The following SPTA1 variants were observed in gnomAD, a reference collection of about 807,000 sequenced individuals.
SPTA1 encodes the protein spectrin alpha chain, erythrocytic 1.
Under a neutral mutation model 324.7 loss-of-function variants are expected in SPTA1, and 177 were observed. The observed-to-expected ratio is 0.55, with a 90% CI of 0.48 to 0.62. The LOEUF is 0.62. SPTA1 is among the 20% of genes least tolerant of loss of function. The pLI, the probability that SPTA1 is intolerant of heterozygous loss-of-function variation, is 0.00. For missense variants in SPTA1, 3,162 were observed against 2,883.6 expected (o/e 1.10, Z -2.21); for synonymous variants, 1,195 against 1,041.3 (o/e 1.15, Z -2.84).
At chr1:158,680,359 A>C (rs1654717173) in intron 5 of SPTA1, among the ~76,000 whole-genome samples, 1 of 152,130 alleles carries the variant, frequency 6.6e-6, no homozygotes, top group Admixed American at 6.6e-5. Context: ...CAAACACACA[A>C]AAACACACTC....
intron 16 of SPTA1, 109 bp from the exon 17 acceptor site, chr1:158,663,054 T>C (rs1263665685): frequency 4.8e-6 from 7 of 1,460,846 alleles, no homozygotes; most frequent in Non-Finnish European, 5.6e-6. Flanking sequence ...CCCATATGCA[T>C]TGTGTTCTGA....
chr1:158,615,349 G>C lies in SPTA1; in HGVS notation c.6655C>G (p.Leu2219Val), dbSNP rs770698813. ...AGAGCGTCTTCCAAGTTGTCCCCCA[G>C]GTCCACAATCTTGGTTAGTTGACGC... Reference protein sequence around the residue: ...MKRQLTKIVDLGDNLEDALIL... With the variant: ...MKRQLTKIVDVGDNLEDALIL... The change falls in exon 48 of 52, where the codon CTG becomes GTG. Residue 2219 changes from leucine (L) to valine (V), a missense_variant. Leu to Val is a conservative substitution (Grantham distance 32). Transcript: ENST00000643759. The C allele has an allele frequency of 1.9e-6, 3 of 1,613,890 alleles. No individual in the cohort carries two copies. The highest frequency in any genetic ancestry group is 1.7e-5 in the Admixed American group (1 of 59,988).
In SPTA1 at chr1:158,634,659, C is replaced by T. The variant is rs1190445301; in HGVS notation, c.5449G>A (p.Glu1817Lys). The change falls in exon 39 of 52, where the codon GAA becomes AAA. Residue 1817 changes from glutamate (E) to lysine (K), a missense_variant. Transcript: ENST00000643759. ...LAKARGLKLE[E>K]SLEYLQFMQN... ...ATGAATTGCAAGTATTCTAGGGATTCTTCCAACTTAAGTCCTCTATAACAA... is the reference window on the plus strand; with the variant it reads ...ATGAATTGCAAGTATTCTAGGGATTTTTCCAACTTAAGTCCTCTATAACAA... The T allele has an allele frequency of 6.2e-7, 1 of 1,613,990 alleles. No homozygotes were observed. The highest frequency in any genetic ancestry group is 8.5e-7 in the Non-Finnish European group (1 of 1,180,034).
In SPTA1 at chr1:158,643,734, T is replaced by G. The variant is rs543779321; in HGVS notation, c.4339-309A>C. Among the ~76,000 whole-genome samples the G allele has an allele frequency of 2.0e-5, 3 of 152,232 alleles. No individual in the cohort carries two copies. In the South Asian group the frequency reaches 6.2e-4, roughly 32 times the overall value. ...TTTAATCAATCCTAAAAGTCAGAGT[T>G]TAGAATGCTGGATTTAAAGTAAGAG... On this transcript the variant is annotated intron_variant, in intron 30 of 51. Transcript: ENST00000643759.
chr1:158,631,921 T>A (rs1243307383), intron 39 of SPTA1, among the ~76,000 whole-genome samples: 1 of 152,128 alleles, frequency 6.6e-6, no homozygotes, highest in Admixed American at 6.5e-5. Flanking sequence ...CTACCTATCG[T>A]CCAGCAATTC....
chr1:158,666,292 C>T (rs764117273), intron 16 of SPTA1, 24 bp downstream of exon 16: 2 of 1,612,328 alleles, frequency 1.2e-6, no homozygotes, highest in South Asian at 2.2e-5. Flanking sequence ...TTGCTTATGG[C>T]TGGCCAAAGA....
In SPTA1 at chr1:158,678,395, C is replaced by A. The variant is rs371224840; in HGVS notation, c.812+6G>T. 1.2e-6 allele frequency: 2 copies of A among 1,613,400 alleles called. No homozygotes were observed. Among genetic ancestry groups the A allele is most frequent in the Non-Finnish European group, 1.7e-6 (2 of 1,179,600 alleles). On this transcript the variant is annotated splice_donor_region_variant and intron_variant, in intron 6 of 51. Coordinates refer to ENST00000643759, the MANE Select transcript of SPTA1 (RefSeq NM_003126.4). ...GTTTTCTATAAAGCAGTGGCCAGAT[C>A]CATACCTTTTGAATCGTTGTAAGTT...
At chr1:158,614,830 T>G in intron 48 of SPTA1, 1 of 203,044 alleles carries the variant, frequency 4.9e-6, no homozygotes, top group South Asian at 1.0e-4. Context: ...AGAAAATGAG[T>G]TTCTGCCCTT....
intron 40 of SPTA1, among the ~76,000 whole-genome samples, 169 bp from the exon 41 acceptor site, chr1:158,627,176 G>T (rs1650334990): frequency 6.6e-6 from 1 of 152,002 alleles, no homozygotes; most frequent in African/African-American, 2.4e-5. Flanking sequence ...CTGTTTAATG[G>T]TCTTTATATA....
chr1:158,639,550 G>C, intron 35 of SPTA1, 32 bp downstream of exon 35: 1 of 1,601,360 alleles, frequency 6.2e-7, no homozygotes, highest in Non-Finnish European at 8.6e-7. Flanking sequence ...TTTCTATTCT[G>C]CCCAGAGGAG....
At chr1:158,626,305 C>G in intron 41 of SPTA1, 83 bp from the exon 42 acceptor site, 2 of 1,285,140 alleles carry the variant, frequency 1.6e-6, no homozygotes, top group Non-Finnish European at 2.2e-6. Flanking sequence ...ATTTACAACA[C>G]ACAACAAGAA....
rs1417720056 is a variant in SPTA1 at position 158,680,572 on chromosome 1, T to C, written c.678+11A>G. ...CCTTTGCACGGAGTGAATATTTTGC[T>C]CCCACCTCACCTCGGCACACTCATT... is the stretch of plus-strand genomic sequence containing the variant. On this transcript the variant is annotated intron_variant, in intron 5 of 51. Transcript: ENST00000643759. 5 of 1,613,508 alleles carry C rather than the reference T, an allele frequency of 3.1e-6. No homozygotes were observed. The highest frequency in any genetic ancestry group is 4.2e-6 in the Non-Finnish European group (5 of 1,179,772).
intron 7 of SPTA1, among the ~76,000 whole-genome samples, chr1:158,676,837 C>A (rs1409643919): frequency 2.0e-5 from 3 of 152,142 alleles, no homozygotes; most frequent in Non-Finnish European, 4.4e-5. Flanking sequence ...ATGTTATTAG[C>A]CCTTTCATCA....
chr1:158,645,444 A>G (rs372282193), intron 28 of SPTA1, 51 bp downstream of exon 28: 10 of 1,613,910 alleles, frequency 6.2e-6, no homozygotes, highest in Middle Eastern at 3.3e-4. Context: ...TTTTAAAATT[A>G]GTAGAGGTTT....
At chr1:158,673,574 T>C (rs976302365) in intron 10 of SPTA1, among the ~76,000 whole-genome samples, 1 of 152,192 alleles carries the variant, frequency 6.6e-6, no homozygotes, top group Non-Finnish European at 1.5e-5. Flanking sequence ...AATTTGAGAT[T>C]GTATAGAGGA....
At chr1:158,646,723 T>G (rs1571440732) in intron 27 of SPTA1, among the ~76,000 whole-genome samples, 2 of 152,248 alleles carry the variant, frequency 1.3e-5, no homozygotes, top group East Asian at 3.9e-4. Flanking sequence ...AGTGCTGAAC[T>G]GGGGAGGGGA....
intron 45 of SPTA1, 142 bp downstream of exon 45, chr1:158,619,080 A>G: frequency 3.6e-6 from 3 of 828,590 alleles, no homozygotes; most frequent in Non-Finnish European, 6.2e-6. Context: ...AACTCCAAAT[A>G]TAAAGCATAG....
In SPTA1 at chr1:158,624,664, T is replaced by C. The variant is rs1571388510; in HGVS notation, c.5911-1472A>G. Among the ~76,000 whole-genome samples, 4 of 152,322 alleles carry C rather than the reference T, an allele frequency of 2.6e-5. No individual in the cohort carries two copies. In the South Asian group the frequency reaches 8.3e-4, roughly 32 times the overall value. The stretch of plus-strand genomic sequence containing the variant: ...GACATAACTTGGCATAATGGGTAAC[T>C]GTCAGCCAGGATTTGAGGGGCTATA... On this transcript the variant is annotated intron_variant, in intron 42 of 51. Coordinates refer to ENST00000643759, the MANE Select transcript of SPTA1 (RefSeq NM_003126.4).
At chr1:158,651,323 A>T in intron 24 of SPTA1, 44 bp downstream of exon 24, 1 of 1,370,776 alleles carries the variant, frequency 7.3e-7, no homozygotes, top group South Asian at 1.2e-5. Flanking sequence ...GGACTCCCAA[A>T]GCCCAACCTG....
Sources: gnomAD v4.1 joint callset for allele counts (sites outside exome capture counted in the v4.1 genomes callset) on GRCh38, gnomAD v4.1.1 for gene constraint, MANE v1.5 for transcripts, NCBI Gene and HGNC (gene_info 2026-07-23, HGNC 2026-07-21) for gene names.